NCOA6: variants seen among roughly 807,000 people sequenced by gnomAD.
NCOA6 encodes nuclear receptor coactivator 6.
NCOA6 carries 49 observed loss-of-function variants against 171.4 expected under a neutral mutation model. That is an observed-to-expected ratio of 0.29 (90% confidence interval 0.23 to 0.36). The LOEUF (loss-of-function observed/expected upper bound fraction) is 0.36. NCOA6 is among the 10% of genes least tolerant of loss of function. The pLI is 1.00. For missense variants in NCOA6, 2,248 were observed against 2,554.5 expected (o/e 0.88, Z 2.59); for synonymous variants, 910 against 927.5 (o/e 0.98, Z 0.34).
intron 1 of NCOA6, among the ~76,000 whole-genome samples, chr20:34,824,189 TTTTG>T (rs1427520599): frequency 2.6e-5 from 4 of 152,318 alleles, no homozygotes; most frequent in Middle Eastern, 3.4e-3. Flanking sequence ...TTCTTGTTGT[TTTTG>T]TTTGTTTGCT....
At chr20:34,758,758 T>C (rs2076727979) in intron 6 of NCOA6, 47 bp downstream of exon 6, 1 of 1,598,368 alleles carries the variant, frequency 6.3e-7, no homozygotes, top group East Asian at 2.2e-5. Context: ...TAATGATCTG[T>C]GCAGAAAGTT....
intron 1 of NCOA6, among the ~76,000 whole-genome samples, chr20:34,797,479 G>T (rs2078114495): frequency 6.6e-6 from 1 of 152,160 alleles, no homozygotes; most frequent in East Asian, 1.9e-4. Context: ...ATAGCCAGGT[G>T]GTATTTGCTG....
chr20:34,727,407 G>A lies in NCOA6; in HGVS notation c.6000C>T (p.Ser2000=). The A allele has an allele frequency of 6.2e-7, 1 of 1,613,402 alleles. No individual in the cohort carries two copies. Among genetic ancestry groups the A allele is most frequent in the Non-Finnish European group, 8.5e-7 (1 of 1,180,000 alleles). Residue 2000 remains serine (S), a splice_region_variant and synonymous_variant, in exon 14 of 15, where the codon AGC becomes AGT. Coordinates refer to ENST00000359003, the MANE Select transcript of NCOA6 (RefSeq NM_014071.5). Reference sequence around the variant, plus strand: ...TTTCAACTATCTCTTTGGGCTCACTGCTGACAGAGGGAAGCAAAAAGTTTC... The same window carrying A: ...TTTCAACTATCTCTTTGGGCTCACTACTGACAGAGGGAAGCAAAAAGTTTC... ...EVNAAIVSGQ[S]SEPKEIVEKS... is the part of the protein sequence containing the mutation.
At chr20:34,748,953 C>T (rs1435622230) in intron 9 of NCOA6, among the ~76,000 whole-genome samples, 1 of 152,112 alleles carries the variant, frequency 6.6e-6, no homozygotes. Context: ...ACTTTTCAGG[C>T]TCTGATTGCC....
intron 8 of NCOA6, among the ~76,000 whole-genome samples, chr20:34,752,118 A>T (rs887681376): frequency 3.9e-5 from 6 of 152,302 alleles, no homozygotes; most frequent in South Asian, 4.1e-4. Flanking sequence ...TTGGCCTCCC[A>T]AAGTGCTGGG....
At chr20:34,752,020 G>A (rs1325021149) in intron 8 of NCOA6, among the ~76,000 whole-genome samples, 2 of 152,082 alleles carry the variant, frequency 1.3e-5, no homozygotes, top group Non-Finnish European at 2.9e-5. Context: ...AACACACCCG[G>A]CTAATTTTTG....
chr20:34,746,788 C>G lies in NCOA6; in HGVS notation c.2914+19G>C. On this transcript the variant is annotated intron_variant, in intron 10 of 14. Coordinates refer to ENST00000359003, the MANE Select transcript of NCOA6 (RefSeq NM_014071.5). ...CATGCACATGTAATAAGTATATAATCTAGCTAACATTTTATCACCTGGTGG... is the reference window on the plus strand; with the variant it reads ...CATGCACATGTAATAAGTATATAATGTAGCTAACATTTTATCACCTGGTGG... 1 of 1,599,710 alleles carries G rather than the reference C, an allele frequency of 6.3e-7. No individual in the cohort carries two copies. Among genetic ancestry groups the G allele is most frequent in the Non-Finnish European group, 8.5e-7 (1 of 1,170,346 alleles).
chr20:34,800,380 T>A (rs1475123385), intron 1 of NCOA6, among the ~76,000 whole-genome samples: 1 of 152,154 alleles, frequency 6.6e-6, no homozygotes, highest in African/African-American at 2.4e-5. Flanking sequence ...TTATTAATAC[T>A]AACATTGAAT....
intron 2 of NCOA6, among the ~76,000 whole-genome samples, chr20:34,788,106 A>C (rs2146281788): frequency 6.6e-6 from 1 of 152,246 alleles, no homozygotes; most frequent in East Asian, 1.9e-4. Flanking sequence ...AGCTCAAGCA[A>C]TCCGCCCACC....
intron 1 of NCOA6, among the ~76,000 whole-genome samples, chr20:34,819,063 G>A (rs1012458584): frequency 6.6e-6 from 1 of 152,050 alleles, no homozygotes; most frequent in African/African-American, 2.4e-5. Flanking sequence ...TATTCATTAT[G>A]ATCAAGTATG....
At chr20:34,815,706 T>C (rs6087631) in intron 1 of NCOA6, among the ~76,000 whole-genome samples, 52,176 of 151,800 alleles carry the variant, frequency 0.34, 9,315 homozygotes, top group Middle Eastern at 0.42. Flanking sequence ...TGCCCACAGA[T>C]GACTCACCAA....
At chr20:34,801,623 C>T (rs2078257286) in intron 1 of NCOA6, among the ~76,000 whole-genome samples, 1 of 152,138 alleles carries the variant, frequency 6.6e-6, no homozygotes, top group East Asian at 1.9e-4. Context: ...ATACAATCTA[C>T]CAAGATTAAC....
intron 1 of NCOA6, among the ~76,000 whole-genome samples, chr20:34,796,287 GGT>G (rs1178150469): frequency 6.6e-6 from 1 of 151,806 alleles, no homozygotes; most frequent in Non-Finnish European, 1.5e-5. Context: ...TGGGATTATA[GGT>G]GTGAGCCACC....
intron 8 of NCOA6, 134 bp from the exon 9 acceptor site, chr20:34,750,653 C>T: frequency 1.0e-6 from 1 of 990,364 alleles, no homozygotes; most frequent in Non-Finnish European, 1.4e-6. Context: ...ATGCTGTTGA[C>T]ATACTTCCTG....
chr20:34,750,203 G>C lies in NCOA6; in HGVS notation c.1992C>G (p.Asn664Lys), dbSNP rs766612272. ...AGGGCCCAAGATTTTGGCTCGGGGG[G>C]TTCACCATCATCTGGCCCTGTGGCA... ...QLMPQGQMMV[N>K]PPSQNLGPSP... The change falls in exon 9 of 15, where the codon AAC becomes AAG. Residue 664 changes from asparagine to lysine, a missense_variant. Transcript: ENST00000359003. 1 of 1,610,988 alleles carries C rather than the reference G, an allele frequency of 6.2e-7. No individual in the cohort carries two copies. The highest frequency in any genetic ancestry group is 1.1e-5 in the South Asian group (1 of 90,704).
intron 4 of NCOA6, among the ~76,000 whole-genome samples, chr20:34,774,942 T>C (rs2077261154): frequency 6.6e-6 from 1 of 152,232 alleles, no homozygotes; most frequent in Non-Finnish European, 1.5e-5. Context: ...AACAAACTTT[T>C]GTGAGAGCAC....
At chr20:34,717,913 T>A (rs918769566) in intron 14 of NCOA6, among the ~76,000 whole-genome samples, 3 of 152,184 alleles carry the variant, frequency 2.0e-5, no homozygotes, top group African/African-American at 7.2e-5. Flanking sequence ...GTGGTATGTC[T>A]GAGAAACATA....
chr20:34,738,609 C>A (rs889144902), intron 11 of NCOA6, among the ~76,000 whole-genome samples: 1 of 152,162 alleles, frequency 6.6e-6, no homozygotes, highest in Non-Finnish European at 1.5e-5. Flanking sequence ...CTTTATCCTG[C>A]CCCCATCTCT....
Position 34,715,243 on chromosome 20 carries a change from T to A in NCOA6, c.*79A>T, listed in dbSNP as rs1363931386. ...AAATTACTAACTGTACAGAAATTGATTTAAAAAAGTCACAGCTCAAAATTG... is the reference window on the plus strand; with the variant it reads ...AAATTACTAACTGTACAGAAATTGAATTAAAAAAGTCACAGCTCAAAATTG... On this transcript the variant is annotated 3_prime_UTR_variant, in exon 15 of 15. Coordinates refer to ENST00000359003, the MANE Select transcript of NCOA6 (RefSeq NM_014071.5). 6.3e-7 allele frequency: 1 copy of A among 1,589,686 alleles called. No homozygotes were observed. The highest frequency in any genetic ancestry group is 8.6e-7 in the Non-Finnish European group (1 of 1,159,496).
Sources: allele counts gnomAD v4.1 joint callset (sites outside exome capture counted in the v4.1 genomes callset), GRCh38; gene constraint gnomAD v4.1.1; transcripts MANE v1.5; gene names NCBI Gene and HGNC (gene_info 2026-07-23, HGNC 2026-07-21).